The following STK32B variants were observed in gnomAD, a reference collection of about 807,000 sequenced individuals.
STK32B encodes the protein serine/threonine kinase 32B, also known as serine/threonine-protein kinase 32B.
Under a neutral mutation model 52.6 loss-of-function variants are expected in STK32B, and 43 were observed. The ratio of observed to expected loss-of-function variants is 0.82; its 90% CI spans 0.64 to 1.05. The LOEUF (loss-of-function observed/expected upper bound fraction) is 1.05, where lower values mean the gene tolerates loss of function less well. Ranked by LOEUF, STK32B falls within the 50% of genes least tolerant of loss-of-function variation. The pLI is 0.00. For missense variants in STK32B, 621 were observed against 534.6 expected (o/e 1.16, Z -1.59); for synonymous variants, 238 against 204.3 (o/e 1.17, Z -1.41).
chr4:5,358,701 G>GCGCGCA (rs151338728), intron 4 of STK32B, among the ~76,000 whole-genome samples: 2,600 of 106,802 alleles, frequency 0.024, 77 homozygotes, highest in African/African-American at 0.099. Flanking sequence ...TCACACACAT[G>GCGCGCA]CACACACACA....
intron 2 of STK32B, 102 bp downstream of exon 2, chr4:5,140,062 A>C: frequency 6.6e-7 from 1 of 1,516,146 alleles, no homozygotes; most frequent in South Asian, 1.1e-5. Context: ...TTTGACAGTA[A>C]GATTTCGACT....
intron 11 of STK32B, among the ~76,000 whole-genome samples, chr4:5,493,236 G>T (rs1371839599): frequency 1.3e-5 from 2 of 152,100 alleles, no homozygotes; most frequent in African/African-American, 2.4e-5. Context: ...GTAAGCTATT[G>T]ATTATTGCCA....
At chr4:5,216,722 G>A (rs569585953) in intron 3 of STK32B, among the ~76,000 whole-genome samples, 1 of 152,202 alleles carries the variant, frequency 6.6e-6, no homozygotes, top group African/African-American at 2.4e-5. Flanking sequence ...GGAGCTGGAG[G>A]TGCCTTCTGA....
chr4:5,404,088 A>G (rs1737493103), intron 5 of STK32B, among the ~76,000 whole-genome samples: 1 of 152,088 alleles, frequency 6.6e-6, no homozygotes, highest in Non-Finnish European at 1.5e-5. Context: ...CAGACATGGT[A>G]TGTGAGACAC....
chr4:5,064,087 T>G (rs1026314163), intron 1 of STK32B, among the ~76,000 whole-genome samples: 1 of 151,916 alleles, frequency 6.6e-6, no homozygotes, highest in Non-Finnish European at 1.5e-5. Context: ...TTATTCTGTT[T>G]TGCAATTTCA....
chr4:5,444,183 G>T (rs1715116836), intron 6 of STK32B, among the ~76,000 whole-genome samples: 1 of 152,176 alleles, frequency 6.6e-6, no homozygotes, highest in African/African-American at 2.4e-5. Context: ...GGCAATGGCG[G>T]GCGCCCCTCC....
At chr4:5,172,566 C>T (rs372640488) in intron 3 of STK32B, among the ~76,000 whole-genome samples, 25 of 151,946 alleles carry the variant, frequency 1.6e-4, no homozygotes, top group South Asian at 8.3e-4. Context: ...ATTGAGATAA[C>T]CATGTGGTTT....
At chr4:5,286,773 A>G (rs1157128193) in intron 3 of STK32B, among the ~76,000 whole-genome samples, 1 of 135,422 alleles carries the variant, frequency 7.4e-6, no homozygotes. Context: ...TTGCATATGT[A>G]TTTTGGTAAA....
At chr4:5,148,055 C>G (rs1054678736) in intron 2 of STK32B, among the ~76,000 whole-genome samples, 4 of 151,860 alleles carry the variant, frequency 2.6e-5, no homozygotes, top group African/African-American at 9.7e-5. Context: ...AGGCTTTTGA[C>G]TACAAAATTA....
Position 5,168,153 on chromosome 4 carries a change from C to G in STK32B, c.109-146C>G, listed in dbSNP as rs111385264. ...ATTCTGCAGATGCAGAGAGGTTGTG[C>G]CTAACTTAGCAGAGCTGCTCCCCTA... On this transcript the variant is annotated intron_variant, in intron 2 of 11. Coordinates refer to ENST00000282908, the MANE Select transcript of STK32B (RefSeq NM_018401.3). The G allele has an allele frequency of 3.0e-4, 306 of 1,021,812 alleles. 2 individuals are homozygous for G. The African/African-American group carries it at 4.4e-3, about 15-fold the overall frequency. The allele number at this position is 1,021,812 out of a possible 1,614,324, so 63.3% of individuals were successfully genotyped here. A position where few individuals can be genotyped will look rare whatever the true frequency, so the allele number is the denominator to read the frequency against.
At chr4:5,036,557 G>A in the STK32B span, among the ~76,000 whole-genome samples, 3 of 151,928 alleles carry the variant, frequency 2.0e-5, no homozygotes, top group Non-Finnish European at 4.4e-5. Flanking sequence ...GTAGCTAGAA[G>A]GAACTAAAGC....
intron 2 of STK32B, among the ~76,000 whole-genome samples, chr4:5,164,273 T>A (rs1365524757): frequency 2.0e-5 from 3 of 152,220 alleles, no homozygotes; most frequent in African/African-American, 7.2e-5. Context: ...CTGGTGCTGC[T>A]GGCCAGCCTC....
intron 3 of STK32B, among the ~76,000 whole-genome samples, chr4:5,234,797 G>A (rs1724515035): frequency 1.3e-5 from 2 of 152,248 alleles, no homozygotes; most frequent in Admixed American, 1.3e-4. Flanking sequence ...TTGCCCAAGG[G>A]CACTCAAAGC....
intron 3 of STK32B, among the ~76,000 whole-genome samples, chr4:5,242,958 G>C (rs1233228151): frequency 3.3e-5 from 5 of 152,150 alleles, no homozygotes; most frequent in East Asian, 3.9e-4. Context: ...GGTACCAGTT[G>C]CATTCTGTCT....
intron 1 of STK32B, among the ~76,000 whole-genome samples, chr4:5,116,687 T>C: frequency 6.6e-6 from 1 of 152,246 alleles, no homozygotes. Flanking sequence ...TGAACATTTT[T>C]CTTTGGAATT....
At chr4:5,068,803 T>C (rs943991585) in intron 1 of STK32B, among the ~76,000 whole-genome samples, 40 of 152,086 alleles carry the variant, frequency 2.6e-4, no homozygotes, top group African/African-American at 9.2e-4. Flanking sequence ...AAATAGAAAA[T>C]GAGATAAAAT....
At chr4:5,442,755 T>G (rs1027704007) in intron 6 of STK32B, among the ~76,000 whole-genome samples, 2 of 152,228 alleles carry the variant, frequency 1.3e-5, no homozygotes, top group Non-Finnish European at 2.9e-5. Context: ...GTTGTTCCTT[T>G]CCATGTTTAG....
intron 3 of STK32B, among the ~76,000 whole-genome samples, chr4:5,203,800 C>T (rs1229807834): frequency 6.6e-6 from 1 of 152,196 alleles, no homozygotes; most frequent in Non-Finnish European, 1.5e-5. Context: ...TTATGCTTCA[C>T]CTCCAAGAGC....
At chr4:5,108,674 G>A (rs1453617615) in intron 1 of STK32B, among the ~76,000 whole-genome samples, 1 of 151,910 alleles carries the variant, frequency 6.6e-6, no homozygotes, top group African/African-American at 2.4e-5. Flanking sequence ...AATTTTTTTT[G>A]TTAAGTGGTC....
Sources: gnomAD v4.1 joint callset for allele counts (sites outside exome capture counted in the v4.1 genomes callset) on GRCh38, gnomAD v4.1.1 for gene constraint, MANE v1.5 for transcripts, NCBI Gene and HGNC (gene_info 2026-07-23, HGNC 2026-07-21) for gene names.